The following CLEC16A variants were observed in gnomAD, a reference collection of about 807,000 sequenced individuals.
CLEC16A encodes the protein protein CLEC16A.
In CLEC16A, 51 loss-of-function variants were observed where a neutral mutation model predicts 109.5. The observed-to-expected ratio is 0.47, with a 90% CI of 0.37 to 0.59. The LOEUF is 0.59. Ranked by LOEUF, CLEC16A falls within the 20% of genes least tolerant of loss-of-function variation. The pLI is 0.00. For missense variants in CLEC16A, 1,339 were observed against 1,394.0 expected, an observed-to-expected ratio of 0.96 and a Z score of 0.63; for synonymous variants, 673 against 564.2, an observed-to-expected ratio of 1.19 and a Z score of -2.73.
intron 22 of CLEC16A, among the ~76,000 whole-genome samples, chr16:11,146,971 G>A (rs2054087084): frequency 6.6e-6 from 1 of 152,144 alleles, no homozygotes; most frequent in South Asian, 2.1e-4. Context: ...GGCAGATGCT[G>A]AGTTAATGTC....
Position 10,973,489 on chromosome 16 carries a change from A to G in CLEC16A, c.728+428A>G, listed in dbSNP as rs186072646. Among the ~76,000 whole-genome samples, 16 of 152,322 alleles carry G rather than the reference A, an allele frequency of 1.1e-4. No individual in the cohort carries two copies. In the East Asian group the frequency reaches 2.9e-3, roughly 28 times the overall value. Reference sequence around the variant, plus strand: ...AAATGCCCAGAATAGGTGAATCTATAGGGGCAGAAAGTAGATTCGTGGTTT... The same window carrying G: ...AAATGCCCAGAATAGGTGAATCTATGGGGGCAGAAAGTAGATTCGTGGTTT... On this transcript the variant is annotated intron_variant, in intron 7 of 23. Transcript: ENST00000409790.
chr16:11,135,719 T>A (rs1197872629), intron 22 of CLEC16A, among the ~76,000 whole-genome samples: 2 of 152,372 alleles, frequency 1.3e-5, no homozygotes, highest in East Asian at 3.9e-4. Flanking sequence ...AATCTGCCAT[T>A]TGACCTGGGC....
chr16:11,027,777 A>T, intron 13 of CLEC16A: 1 of 1,127,724 alleles, frequency 8.9e-7, no homozygotes, highest in Admixed American at 1.9e-5. Context: ...CCAGGTGCCA[A>T]ACTGCAGTAT....
intron 19 of CLEC16A, among the ~76,000 whole-genome samples, chr16:11,117,323 A>T (rs939681387): frequency 2.0e-5 from 3 of 152,248 alleles, no homozygotes; most frequent in Non-Finnish European, 2.9e-5. Context: ...TTATACTTTA[A>T]TAAAACTATG....
At chr16:10,949,829 G>C (rs532212126) in intron 1 of CLEC16A, among the ~76,000 whole-genome samples, 8 of 152,166 alleles carry the variant, frequency 5.3e-5, no homozygotes, top group Admixed American at 3.3e-4. Flanking sequence ...GGTGAGTTAC[G>C]GTAGCAGCTG....
intron 19 of CLEC16A, among the ~76,000 whole-genome samples, chr16:11,107,583 G>A (rs2051300027): frequency 6.6e-6 from 1 of 152,192 alleles, no homozygotes; most frequent in Non-Finnish European, 1.5e-5. Flanking sequence ...TCTTGAAAGT[G>A]TCCTGGATTA....
chr16:11,152,803 A>T (rs2054345701), intron 22 of CLEC16A, among the ~76,000 whole-genome samples: 1 of 152,144 alleles, frequency 6.6e-6, no homozygotes, highest in South Asian at 2.1e-4. Flanking sequence ...CCTCCCTCTG[A>T]CACTGCTCCC....
At chr16:11,018,738 G>A (rs2045915746) in intron 11 of CLEC16A, among the ~76,000 whole-genome samples, 1 of 76,318 alleles carries the variant, frequency 1.3e-5, no homozygotes, top group African/African-American at 8.4e-5. Flanking sequence ...GACAGAGCGA[G>A]ACTCCATCTC....
chr16:11,112,672 TACATACATACACACAC>T (rs1224200278), intron 19 of CLEC16A, among the ~76,000 whole-genome samples: 3 of 151,922 alleles, frequency 2.0e-5, no homozygotes, highest in Non-Finnish European at 4.4e-5. Context: ...AATACATACA[TACATACATACACACAC>T]ACATACATAT....
At chr16:11,037,639 A>G (rs2047096285) in intron 13 of CLEC16A, among the ~76,000 whole-genome samples, 1 of 152,276 alleles carries the variant, frequency 6.6e-6, no homozygotes, top group South Asian at 2.1e-4. Context: ...GCCTCTTTCC[A>G]TGGTTCTGTG....
At chr16:11,160,131 C>T (rs1452854087) in intron 22 of CLEC16A, among the ~76,000 whole-genome samples, 1 of 151,972 alleles carries the variant, frequency 6.6e-6, no homozygotes, top group Non-Finnish European at 1.5e-5. Context: ...TTTTTTAAGC[C>T]TGAAATAGTT....
At chr16:11,077,480 A>G (rs1293034078) in intron 19 of CLEC16A, among the ~76,000 whole-genome samples, 1 of 151,132 alleles carries the variant, frequency 6.6e-6, no homozygotes, top group African/African-American at 2.4e-5. Context: ...TCAAAAAAAA[A>G]AAAAAAAAAG....
chr16:11,161,870 C>T (rs1397401404), intron 22 of CLEC16A, among the ~76,000 whole-genome samples: 2 of 152,194 alleles, frequency 1.3e-5, no homozygotes, highest in Non-Finnish European at 1.5e-5. Context: ...ATAAGCAAAG[C>T]GAAACTCGTG....
intron 19 of CLEC16A, among the ~76,000 whole-genome samples, chr16:11,101,007 C>A (rs2050883936): frequency 6.6e-6 from 1 of 152,114 alleles, no homozygotes; most frequent in African/African-American, 2.4e-5. Flanking sequence ...AGCCCTAGTA[C>A]CTGGGACTGT....
Position 11,108,094 on chromosome 16 carries a change from C to T in CLEC16A, c.2117-12521C>T, listed in dbSNP as rs79210936. On this transcript the variant is annotated intron_variant, in intron 19 of 23. Transcript: ENST00000409790. ...AAGAACCGTCTCCATCCCACAGAGG[C>T]TGATTCCCCAAGTGTCCAGCAGCTT... 3.4e-3 allele frequency among the ~76,000 whole-genome samples: 514 copies of T among 152,356 alleles called. 2 individuals are homozygous for T. The highest frequency in any genetic ancestry group is 0.01 in the Middle Eastern group (3 of 294).
intron 23 of CLEC16A, among the ~76,000 whole-genome samples, chr16:11,177,048 C>T (rs1244233560): frequency 6.6e-6 from 1 of 152,206 alleles, no homozygotes; most frequent in Non-Finnish European, 1.5e-5. Flanking sequence ...CCATGCTTCC[C>T]GGGTCCCAGG....
intron 2 of CLEC16A, 90 bp from the exon 3 acceptor site, chr16:10,962,365 C>G (rs2042290297): frequency 6.6e-7 from 1 of 1,525,746 alleles, no homozygotes; most frequent in Non-Finnish European, 9.1e-7. Flanking sequence ...AGGGGTGAAT[C>G]TAATACTTGT....
intron 22 of CLEC16A, among the ~76,000 whole-genome samples, chr16:11,159,380 C>G (rs770727298): frequency 4.5e-4 from 68 of 152,200 alleles, no homozygotes; most frequent in Non-Finnish European, 9.1e-4. Flanking sequence ...TATCTCCAGC[C>G]CCTCCTCATT....
intron 19 of CLEC16A, among the ~76,000 whole-genome samples, chr16:11,112,969 A>G (rs1384217734): frequency 1.3e-5 from 2 of 152,134 alleles, no homozygotes; most frequent in African/African-American, 4.8e-5. Flanking sequence ...GCCAAGCCTC[A>G]TTCTCAGTAT....
Sources: allele counts gnomAD v4.1 joint callset (sites outside exome capture counted in the v4.1 genomes callset), GRCh38; gene constraint gnomAD v4.1.1; transcripts MANE v1.5; gene names NCBI Gene and HGNC (gene_info 2026-07-23, HGNC 2026-07-21).